VEGFC: variants seen among roughly 807,000 people sequenced by gnomAD.
VEGFC encodes the protein vascular endothelial growth factor C, also known as FLT4 ligand DHM.
A neutral mutation model predicts 46.1 loss-of-function variants in VEGFC; 12 were observed. That is an observed-to-expected ratio of 0.26 (90% confidence interval 0.17 to 0.42). The LOEUF is 0.42. VEGFC is among the 10% of genes least tolerant of loss of function. The pLI is 1.00. For missense variants in VEGFC, 488 were observed against 529.4 expected (o/e 0.92, Z 0.77); for synonymous variants, 232 against 195.5 (o/e 1.19, Z -1.56).
At chr4:176,772,197 T>C (rs1359414220) in intron 1 of VEGFC, among the ~76,000 whole-genome samples, 1 of 152,208 alleles carries the variant, frequency 6.6e-6, no homozygotes, top group African/African-American at 2.4e-5. Context: ...ATTTACTTAA[T>C]TTGACATTAT....
At chr4:176,746,966 C>A (rs1003076796) in intron 1 of VEGFC, among the ~76,000 whole-genome samples, 2 of 152,244 alleles carry the variant, frequency 1.3e-5, no homozygotes, top group Non-Finnish European at 1.5e-5. Context: ...GAGATATGCA[C>A]TTTAAGAATA....
In VEGFC at chr4:176,789,971, T is replaced by C. The variant is rs1285824062; in HGVS notation, c.147+2194A>G. ...CATCTTCTGTTTACCTTCTGAAATA[T>C]TTTCTTGGGGTTCATGTAGTTATAG... On this transcript the variant is annotated intron_variant, in intron 1 of 6. Coordinates refer to ENST00000618562, the MANE Select transcript of VEGFC (RefSeq NM_005429.5). 5.7e-4 allele frequency among the ~76,000 whole-genome samples: 87 copies of C among 152,230 alleles called. 1 individual carries two copies. Among genetic ancestry groups the C allele is most frequent in the Admixed American group, 5.6e-3 (85 of 15,282 alleles).
At position 176,683,826 on chromosome 4, in the gene VEGFC, T is replaced by A. The variant is rs1398341491; in HGVS notation, c.*100A>T. 2 of 933,438 alleles carry A rather than the reference T, an allele frequency of 2.1e-6. No homozygotes were observed. The highest frequency in any genetic ancestry group is 4.9e-5 in the East Asian group (2 of 41,060). The allele number at this position is 933,438 out of a possible 1,614,324, so 57.8% of individuals were successfully genotyped here. A position where few individuals can be genotyped will look rare whatever the true frequency, so the allele number is the denominator to read the frequency against. ...AGGAAAGACAGACTTTTGTCTTTGT[T>A]AGCATGGACCCACAAGGGTCTCTCT... On this transcript the variant is annotated 3_prime_UTR_variant, in exon 7 of 7. Coordinates refer to ENST00000618562, the MANE Select transcript of VEGFC (RefSeq NM_005429.5).
intron 1 of VEGFC, among the ~76,000 whole-genome samples, chr4:176,778,308 T>G (rs1245233462): frequency 6.6e-6 from 1 of 152,104 alleles, no homozygotes; most frequent in African/African-American, 2.4e-5. Flanking sequence ...TGCTGGAAGT[T>G]ACACAGAATT....
At chr4:176,692,775 G>T (rs1158715884) in intron 4 of VEGFC, among the ~76,000 whole-genome samples, 1 of 147,740 alleles carries the variant, frequency 6.8e-6, no homozygotes, top group Non-Finnish European at 1.5e-5. Flanking sequence ...CGCAGCTGGA[G>T]ATCTGAGAAC....
chr4:176,690,984 T>C (rs918746684), intron 4 of VEGFC, among the ~76,000 whole-genome samples: 12 of 152,190 alleles, frequency 7.9e-5, no homozygotes, highest in African/African-American at 2.9e-4. Flanking sequence ...CAGAAATGCA[T>C]TTTAAAATGT....
At chr4:176,697,149 T>G (rs1734330938) in intron 4 of VEGFC, among the ~76,000 whole-genome samples, 1 of 151,766 alleles carries the variant, frequency 6.6e-6, no homozygotes, top group African/African-American at 2.4e-5. Flanking sequence ...CTAATTAAAC[T>G]AAAGAGCTTC....
chr4:176,791,756 G>C (rs1165413074), intron 1 of VEGFC, among the ~76,000 whole-genome samples: 1 of 152,162 alleles, frequency 6.6e-6, no homozygotes, highest in Admixed American at 6.5e-5. Context: ...TGGGTTGACT[G>C]ATCACCAGTG....
At chr4:176,767,133 A>AAAC (rs1735641221) in intron 1 of VEGFC, among the ~76,000 whole-genome samples, 1 of 148,872 alleles carries the variant, frequency 6.7e-6, no homozygotes, top group Non-Finnish European at 1.5e-5. Flanking sequence ...TAAAAAAAAA[A>AAAC]AAAAAAAAAA....
intron 1 of VEGFC, among the ~76,000 whole-genome samples, chr4:176,776,366 C>G (rs1357385490): frequency 6.6e-6 from 1 of 152,198 alleles, no homozygotes; most frequent in South Asian, 2.1e-4. Flanking sequence ...CTGCAAAGGA[C>G]GCTGGGAAGT....
chr4:176,736,686 T>C (rs1735060413), intron 1 of VEGFC, among the ~76,000 whole-genome samples: 1 of 151,830 alleles, frequency 6.6e-6, no homozygotes, highest in Non-Finnish European at 1.5e-5. Context: ...AAGTACTCAT[T>C]TGAATGAAAA....
chr4:176,775,234 C>A (rs1172327758), intron 1 of VEGFC, among the ~76,000 whole-genome samples: 4 of 151,926 alleles, frequency 2.6e-5, no homozygotes, highest in Non-Finnish European at 1.5e-5. Flanking sequence ...TGGGCTCCAG[C>A]TCTAGAATTT....
At chr4:176,758,066 T>C (rs1278393848) in intron 1 of VEGFC, among the ~76,000 whole-genome samples, 2 of 152,124 alleles carry the variant, frequency 1.3e-5, no homozygotes, top group African/African-American at 2.4e-5. Context: ...CATTCAATAA[T>C]ATACATTCTT....
chr4:176,692,018 T>C (rs1224948642), intron 4 of VEGFC, among the ~76,000 whole-genome samples: 1 of 151,914 alleles, frequency 6.6e-6, no homozygotes, highest in Non-Finnish European at 1.5e-5. Context: ...TTCCCTTTCC[T>C]AGTCAAAGAA....
chr4:176,715,267 T>C (rs1734678543), intron 3 of VEGFC, among the ~76,000 whole-genome samples: 1 of 152,164 alleles, frequency 6.6e-6, no homozygotes. Flanking sequence ...AAATTAAAGT[T>C]AAAAAATTTT....
intron 6 of VEGFC, among the ~76,000 whole-genome samples, chr4:176,684,717 C>A (rs146147700): frequency 6.6e-5 from 10 of 152,292 alleles, no homozygotes; most frequent in African/African-American, 2.4e-4. Flanking sequence ...TGCCCTGTTG[C>A]TCCAGTGAAT....
chr4:176,706,949 T>C (rs150335221), intron 4 of VEGFC, among the ~76,000 whole-genome samples: 1 of 152,178 alleles, frequency 6.6e-6, no homozygotes. Context: ...TAGAGTACAT[T>C]TGCGTCTTTT....
At chr4:176,750,236 A>AC (rs1489385449) in intron 1 of VEGFC, among the ~76,000 whole-genome samples, 1 of 151,802 alleles carries the variant, frequency 6.6e-6, no homozygotes, top group Non-Finnish European at 1.5e-5. Flanking sequence ...ATAAATGAAG[A>AC]CCACAGCCCT....
chr4:176,701,094 C>T (rs1341148783), intron 4 of VEGFC, among the ~76,000 whole-genome samples: 1 of 152,150 alleles, frequency 6.6e-6, no homozygotes, highest in East Asian at 1.9e-4. Flanking sequence ...CTAATGTAAG[C>T]TATGGATTTT....
Sources: gnomAD v4.1 joint callset for allele counts (sites outside exome capture counted in the v4.1 genomes callset) on GRCh38, gnomAD v4.1.1 for gene constraint, MANE v1.5 for transcripts, NCBI Gene and HGNC (gene_info 2026-07-23, HGNC 2026-07-21) for gene names.